B3GALNT2: variants seen among roughly 807,000 people sequenced by gnomAD.
B3GALNT2 encodes the protein beta-1,3-N-acetylgalactosaminyltransferase 2, also known as UDP-GalNAc:beta-1,3-N-acetylgalactosaminyltransferase 2.
B3GALNT2 carries 53 observed loss-of-function variants against 61.1 expected under a neutral mutation model. The observed-to-expected ratio is 0.87, with a 90% CI of 0.70 to 1.09. The LOEUF is 1.09. Among genes scored for constraint, B3GALNT2 ranks in the 50% least tolerant of loss-of-function variants. B3GALNT2 has a pLI of 0.00. For synonymous variants in B3GALNT2, 223 were observed against 237.4 expected (o/e 0.94, Z 0.56); for missense variants, 544 against 623.0 (o/e 0.87, Z 1.35).
In B3GALNT2 at chr1:235,504,046, C is replaced by T. The variant is rs1012750656; in HGVS notation, c.112+95G>A. 8 of 1,181,564 alleles carry T rather than the reference C, an allele frequency of 6.8e-6. No homozygotes were observed. In the African/African-American group the frequency reaches 1.3e-4, roughly 19 times the overall value. The allele number at this position is 1,181,564 out of a possible 1,614,324, so 73.2% of individuals were successfully genotyped here. ...GGGGACCGTCGCGTTTGGCCCTTCC[C>T]CCGCCTCCAACAATTCCCGGCGAAG... On this transcript the variant is annotated intron_variant, in intron 1 of 11. Coordinates refer to ENST00000366600, the MANE Select transcript of B3GALNT2 (RefSeq NM_152490.5).
At chr1:235,446,991 T>C (rs752621981), downstream of B3GALNT2, among the ~76,000 whole-genome samples, 10 of 152,144 alleles carry the variant, frequency 6.6e-5, no homozygotes, top group Non-Finnish European at 1.2e-4. Flanking sequence ...TAGAACTGTT[T>C]TATGACCAAA....
At chr1:235,471,055 C>G in intron 5 of B3GALNT2, 95 bp from the exon 6 acceptor site, 1 of 1,543,638 alleles carries the variant, frequency 6.5e-7, no homozygotes. Flanking sequence ...GAAAATTTTT[C>G]CCAAAACGTA....
At position 235,449,544 on chromosome 1, in the gene B3GALNT2, A is replaced by G. The variant is rs562399006; in HGVS notation, c.*662T>C. ...CTGTGACCTTCAGGATTTATGTTAGATGGCAGAAAGAAAATTTGGGTATTA... is the reference window on the plus strand; with the variant it reads ...CTGTGACCTTCAGGATTTATGTTAGGTGGCAGAAAGAAAATTTGGGTATTA... On this transcript the variant is annotated 3_prime_UTR_variant, in exon 12 of 12. Coordinates refer to ENST00000366600, the MANE Select transcript of B3GALNT2 (RefSeq NM_152490.5). 13 of 152,600 alleles carry G rather than the reference A, an allele frequency of 8.5e-5. No homozygotes were observed. Among genetic ancestry groups the G allele is most frequent in the African/African-American group, 3.1e-4 (13 of 41,578 alleles). The allele number at this position is 152,600 out of a possible 1,614,324, so 9.5% of individuals were successfully genotyped here. A position where few individuals can be genotyped will look rare whatever the true frequency, so the allele number is the denominator to read the frequency against.
intron 5 of B3GALNT2, among the ~76,000 whole-genome samples, chr1:235,475,713 A>C (rs755564826): frequency 6.6e-6 from 1 of 152,198 alleles, no homozygotes; most frequent in Non-Finnish European, 1.5e-5. Flanking sequence ...TCTTTCTATT[A>C]TATAAAGCTA....
At chr1:235,482,902 A>AT (rs1684625006) in intron 4 of B3GALNT2, among the ~76,000 whole-genome samples, 2 of 152,144 alleles carry the variant, frequency 1.3e-5, no homozygotes, top group Non-Finnish European at 2.9e-5. Context: ...AATGTTACCC[A>AT]TATTTTAGAG....
At chr1:235,456,237 T>C (rs1490509804) in intron 8 of B3GALNT2, among the ~76,000 whole-genome samples, 1 of 152,200 alleles carries the variant, frequency 6.6e-6, no homozygotes, top group East Asian at 1.9e-4. Context: ...CCATTATAAA[T>C]GACCTTCTGG....
At chr1:235,504,106 G>A (rs1046345705) in intron 1 of B3GALNT2, 35 bp downstream of exon 1, 142 of 1,167,562 alleles carry the variant, frequency 1.2e-4, no homozygotes, top group Non-Finnish European at 1.4e-4. Context: ...CCACCCCCCC[G>A]GCGGCCGCCA....
intron 1 of B3GALNT2, among the ~76,000 whole-genome samples, chr1:235,495,884 C>T (rs1184463072): frequency 6.6e-6 from 1 of 152,028 alleles, no homozygotes; most frequent in Non-Finnish European, 1.5e-5. Flanking sequence ...GACAACAAAA[C>T]CAGGTTGATA....
chr1:235,497,886 G>A (rs937767447), intron 1 of B3GALNT2, among the ~76,000 whole-genome samples: 5 of 152,166 alleles, frequency 3.3e-5, no homozygotes, highest in African/African-American at 1.2e-4. Context: ...CATGGATTAT[G>A]GATGGAAACC....
Position 235,504,425 on chromosome 1 carries a change from T to C in B3GALNT2, c.-173A>G. ...GCAGCTCCCGGCCCCGCTCCTCCGG[T>C]CCCTCAGACCGCGGGTGGCCGCGGC... On this transcript the variant is annotated 5_prime_UTR_variant, in exon 1 of 12. Coordinates refer to ENST00000366600, the MANE Select transcript of B3GALNT2 (RefSeq NM_152490.5). The C allele has an allele frequency of 1.5e-6, 1 of 650,030 alleles. No homozygotes were observed. The highest frequency in any genetic ancestry group is 2.7e-5 in the South Asian group (1 of 36,836). 40.3% of individuals were successfully genotyped at this position (650,030 alleles called of 1,614,324 possible). A position where few individuals can be genotyped will look rare whatever the true frequency, so the allele number is the denominator to read the frequency against.
At chr1:235,482,826 A>T (rs1388922048) in intron 4 of B3GALNT2, among the ~76,000 whole-genome samples, 3 of 152,128 alleles carry the variant, frequency 2.0e-5, no homozygotes, top group African/African-American at 7.2e-5. Flanking sequence ...GACCCTGTCA[A>T]ACAACAACAA....
chr1:235,448,220 C>CCAA lies in B3GALNT2; in HGVS notation c.*1985_*1986insTTG, dbSNP rs71576473. 10 of 531,010 alleles carry CCAA rather than the reference C, an allele frequency of 1.9e-5. No individual in the cohort carries two copies. In the African/African-American group the frequency reaches 3.1e-4, roughly 17 times the overall value. 32.9% of individuals were successfully genotyped at this position (531,010 alleles called of 1,614,324 possible). A position where few individuals can be genotyped will look rare whatever the true frequency, so the allele number is the denominator to read the frequency against. On this transcript the variant is annotated 3_prime_UTR_variant, in exon 12 of 12. Transcript: ENST00000366600. ...CTTAAGTAAGTAAGTAAGTCAGTCTCAAAAAAAAAAAAAAAAAAAAGACAG... is the reference window on the plus strand; with the variant it reads ...CTTAAGTAAGTAAGTAAGTCAGTCTCCAAAAAAAAAAAAAAAAAAAAAAGACAG...
rs1558429867 is a variant in B3GALNT2, at chr1:235,480,126, G to GA, written c.578dup (p.Ser194GlnfsTer27). 1 of 1,613,912 alleles carries GA rather than the reference G, an allele frequency of 6.2e-7. No individual in the cohort carries two copies. The highest frequency in any genetic ancestry group is 8.5e-7 in the Non-Finnish European group (1 of 1,179,822). On this transcript the variant is annotated frameshift_variant, in exon 5 of 12. Coordinates refer to ENST00000366600, the MANE Select transcript of B3GALNT2 (RefSeq NM_152490.5). LOFTEE classifies it high-confidence loss of function. ...CCTGCACACCACAGCTTGGAGGACT[G>GA]AAGCGAGCAATGAAGAGGGCCTCCT...
intron 1 of B3GALNT2, among the ~76,000 whole-genome samples, chr1:235,498,916 C>T (rs570892977): frequency 7.2e-6 from 1 of 139,346 alleles, no homozygotes; most frequent in South Asian, 2.5e-4. Flanking sequence ...TAATTTGGTA[C>T]AGTCTTCTGC....
At chr1:235,494,570 C>G in intron 2 of B3GALNT2, 111 bp downstream of exon 2, 1 of 1,206,896 alleles carries the variant, frequency 8.3e-7, no homozygotes, top group Non-Finnish European at 1.2e-6. Context: ...AATCCTTCCA[C>G]CTCAGCCTCC....
At chr1:235,443,669 T>TA (rs1682053342), downstream of B3GALNT2, among the ~76,000 whole-genome samples, 1 of 152,192 alleles carries the variant, frequency 6.6e-6, no homozygotes, top group African/African-American at 2.4e-5. Flanking sequence ...ACCAAATTCT[T>TA]ACGGGAGGTT....
chr1:235,464,421 C>T lies in B3GALNT2; in HGVS notation c.841+1215G>A, dbSNP rs1463539936. The T allele has an allele frequency of 5.3e-5, 8 of 151,688 alleles. No individual in the cohort carries two copies. In the East Asian group the frequency reaches 1.6e-3, roughly 30 times the overall value. The allele number at this position is 151,688 out of a possible 1,614,324, so 9.4% of individuals were successfully genotyped here. On this transcript the variant is annotated intron_variant, in intron 7 of 11. Transcript: ENST00000366600. The stretch of plus-strand genomic sequence containing the variant: ...TCTCTCTCCCCTCCTTTCCTCCCTT[C>T]TTCCCTCCACCCCTCCCTCCCTCAC...
the B3GALNT2 span, among the ~76,000 whole-genome samples, chr1:235,440,172 G>A: frequency 1.4e-4 from 21 of 152,020 alleles, no homozygotes; most frequent in Middle Eastern, 3.4e-3. Context: ...GGGTTTCACC[G>A]TGTTAGCCAG....
At chr1:235,470,765 G>C in intron 6 of B3GALNT2, 85 bp downstream of exon 6, 1 of 1,525,518 alleles carries the variant, frequency 6.6e-7, no homozygotes, top group South Asian at 1.3e-5. Flanking sequence ...CATGCTGCCT[G>C]GGCTCTAAGG....
Sources: allele counts gnomAD v4.1 joint callset (sites outside exome capture counted in the v4.1 genomes callset), GRCh38; gene constraint gnomAD v4.1.1; transcripts MANE v1.5; gene names NCBI Gene and HGNC (gene_info 2026-07-23, HGNC 2026-07-21).